The following ZNF207 variants were observed in gnomAD, a reference collection of about 807,000 sequenced individuals.
ZNF207 encodes the protein zinc finger protein 207.
A neutral mutation model predicts 60.2 loss-of-function variants in ZNF207; 24 were observed. The ratio of observed to expected loss-of-function variants is 0.40; its 90% CI spans 0.29 to 0.56. The LOEUF (loss-of-function observed/expected upper bound fraction) is 0.56, where lower values mean the gene tolerates loss of function less well. Ranked by LOEUF, ZNF207 falls within the 20% of genes least tolerant of loss-of-function variation. ZNF207 has a pLI of 0.49. For synonymous variants in ZNF207, 236 were observed against 194.7 expected (o/e 1.21, Z -1.77); for missense variants, 452 against 636.6 (o/e 0.71, Z 3.12).
chr17:32,355,671 T>C (rs556205041), intron 2 of ZNF207, among the ~76,000 whole-genome samples: 2 of 152,176 alleles, frequency 1.3e-5, no homozygotes, highest in African/African-American at 4.8e-5. Context: ...GGTTGGAAAT[T>C]AGGTGCTCTC....
chr17:32,366,219 T>TAAAAG (rs1905155386), intron 8 of ZNF207, among the ~76,000 whole-genome samples: 1 of 152,206 alleles, frequency 6.6e-6, no homozygotes, highest in East Asian at 1.9e-4. Context: ...GGGTGCTAAA[T>TAAAAG]TAAAAGCATT....
In ZNF207 at chr17:32,360,580, A is replaced by ATTT. The variant is rs371637866; in HGVS notation, c.308-8_308-6dup. The ATTT allele has an allele frequency of 1.1e-5, 13 of 1,172,190 alleles. No individual in the cohort carries two copies. The highest frequency in any genetic ancestry group is 9.3e-5 in the Admixed American group (4 of 42,918). The allele number at this position is 1,172,190 out of a possible 1,614,324, so 72.6% of individuals were successfully genotyped here. On this transcript the variant is annotated splice_polypyrimidine_tract_variant and intron_variant, in intron 3 of 11. Coordinates refer to ENST00000394670, the MANE Select transcript of ZNF207 (RefSeq NM_001098507.2). ...TCTTAGTTTTTACTCTATGGAAATA[A>ATTT]TTTTTTTTTTTTAACAGAAAGTCAA...
At chr17:32,363,339 T>C (rs1904991533) in intron 7 of ZNF207, among the ~76,000 whole-genome samples, 1 of 151,920 alleles carries the variant, frequency 6.6e-6, no homozygotes, top group African/African-American at 2.4e-5. Flanking sequence ...CCACCCACCT[T>C]GGCCTCCCAA....
rs777738732 is a variant in ZNF207 at position 32,351,773 on chromosome 17, C to G, written c.42-13C>G. On this transcript the variant is annotated splice_polypyrimidine_tract_variant and intron_variant, in intron 1 of 11. Coordinates refer to ENST00000394670, the MANE Select transcript of ZNF207 (RefSeq NM_001098507.2). ...TCATTAGGCTGTCTTTGTGCCTTAA[C>G]AGTATTGATCAGGTATTGTAATAGA... 6.2e-7 allele frequency: 1 copy of G among 1,607,848 alleles called. No individual in the cohort carries two copies. The highest frequency in any genetic ancestry group is 8.5e-7 in the Non-Finnish European group (1 of 1,176,492).
In ZNF207 at chr17:32,374,935, GAA is replaced by G. The variant is rs1184844472; in HGVS notation, c.*5179_*5180del. Reference sequence around the variant, plus strand: ...ACTAAAATTTGCTTTTATTTGGTGAGAAAAGTTGTGTGCGTGTGTTTGTTGTA... The same window carrying G: ...ACTAAAATTTGCTTTTATTTGGTGAGAAGTTGTGTGCGTGTGTTTGTTGTA... On this transcript the variant is annotated 3_prime_UTR_variant, in exon 12 of 12. Coordinates refer to ENST00000394670, the MANE Select transcript of ZNF207 (RefSeq NM_001098507.2). 3.3e-5 allele frequency: 5 copies of G among 152,208 alleles called. No individual in the cohort carries two copies. The highest frequency in any genetic ancestry group is 1.2e-4 in the African/African-American group (5 of 41,444). 9.4% of individuals were successfully genotyped at this position (152,208 alleles called of 1,614,324 possible).
intron 1 of ZNF207, chr17:32,351,173 A>C (rs1360161084): frequency 1.9e-5 from 3 of 160,420 alleles, no homozygotes; most frequent in Non-Finnish European, 4.1e-5. Context: ...GGAAAATCTG[A>C]GTAGTGAGGT....
In ZNF207 at chr17:32,370,010, G is replaced by A. The variant is rs1905393822; in HGVS notation, c.*251G>A. On this transcript the variant is annotated 3_prime_UTR_variant, in exon 12 of 12. Transcript: ENST00000394670. ...TCATGTTTCATCTAGGTTTTTAGAAGTGAAGTATAGTAAATTTGGTTCGTT... is the reference window on the plus strand; with the variant it reads ...TCATGTTTCATCTAGGTTTTTAGAAATGAAGTATAGTAAATTTGGTTCGTT... 1 of 336,720 alleles carries A rather than the reference G, an allele frequency of 3.0e-6. No homozygotes were observed. The highest frequency in any genetic ancestry group is 4.9e-5 in the Admixed American group (1 of 20,262). 20.9% of individuals were successfully genotyped at this position (336,720 alleles called of 1,614,324 possible). A position where few individuals can be genotyped will look rare whatever the true frequency, so the allele number is the denominator to read the frequency against.
chr17:32,365,530 A>ATAAAGTG, intron 8 of ZNF207, 43 bp downstream of exon 8: 1 of 1,598,432 alleles, frequency 6.3e-7, no homozygotes, highest in Middle Eastern at 1.7e-4. Context: ...ATATTTAAAG[A>ATAAAGTG]TAAAGTACAG....
At chr17:32,367,070 AAATTT>A (rs1450367541) in intron 9 of ZNF207, among the ~76,000 whole-genome samples, 1 of 151,558 alleles carries the variant, frequency 6.6e-6, no homozygotes, top group Non-Finnish European at 1.5e-5. Flanking sequence ...TAATGTAAGA[AAATTT>A]AATACTGCTT....
chr17:32,363,600 C>T lies in ZNF207; in HGVS notation c.670+616C>T, dbSNP rs556539853. 1.6e-3 allele frequency among the ~76,000 whole-genome samples: 204 copies of T among 127,992 alleles called. 1 individual carries two copies. The highest frequency in any genetic ancestry group is 1.8e-3 in the Non-Finnish European group (113 of 63,928). The allele number at this position is 127,992 out of a possible 152,430, so 84.0% of individuals were successfully genotyped here. A position where few individuals can be genotyped will look rare whatever the true frequency, so the allele number is the denominator to read the frequency against. ...TGTCACCCAGGCTGGAGCATGATCT[C>T]GGCTCACTGCAACCTCTGCTTCCGG... is the stretch of plus-strand genomic sequence containing the variant. On this transcript the variant is annotated intron_variant, in intron 7 of 11. Transcript: ENST00000394670.
intron 1 of ZNF207, 89 bp from the exon 2 acceptor site, chr17:32,351,697 C>T (rs765627282): frequency 5.0e-6 from 8 of 1,610,172 alleles, no homozygotes; most frequent in Non-Finnish European, 5.9e-6. Context: ...TTGGTTTTAG[C>T]TGTTCCCATA....
At chr17:32,357,422 C>T (rs1174267107) in intron 2 of ZNF207, among the ~76,000 whole-genome samples, 1 of 147,370 alleles carries the variant, frequency 6.8e-6, no homozygotes, top group Non-Finnish European at 1.5e-5. Flanking sequence ...GGTCTCGGCT[C>T]ACTGTAACCT....
At chr17:32,352,009 C>G (rs933396181) in intron 2 of ZNF207, 97 bp downstream of exon 2, 298 of 1,296,784 alleles carry the variant, frequency 2.3e-4, no homozygotes, top group Non-Finnish European at 2.8e-4. Context: ...GTCTTGTCGC[C>G]CAAGCTGGAG....
At chr17:32,367,275 ATAT>A (rs1905237830) in intron 9 of ZNF207, among the ~76,000 whole-genome samples, 5 of 119,748 alleles carry the variant, frequency 4.2e-5, no homozygotes, top group Admixed American at 1.8e-4. Flanking sequence ...ATATATATAT[ATAT>A]ATATATAAAG....
chr17:32,365,688 C>G (rs935255201), intron 8 of ZNF207: 2 of 305,384 alleles, frequency 6.5e-6, no homozygotes, highest in African/African-American at 4.4e-5. Context: ...TTGAACGGAG[C>G]CAAAGTTAGT....
chr17:32,354,386 C>G (rs1391705667), intron 2 of ZNF207, among the ~76,000 whole-genome samples: 1 of 152,162 alleles, frequency 6.6e-6, no homozygotes, highest in African/African-American at 2.4e-5. Context: ...CTTGTGCTCA[C>G]TGCAGCCTCC....
At chr17:32,351,329 C>G (rs1162321162) in intron 1 of ZNF207, 3 of 507,380 alleles carry the variant, frequency 5.9e-6, no homozygotes, top group Non-Finnish European at 8.2e-6. Flanking sequence ...GATTATTGTT[C>G]ACCATATAGT....
rs749189320 is a variant in ZNF207 at position 32,374,301 on chromosome 17, T to G, written c.*4542T>G. The G allele has an allele frequency of 1.6e-5, 2 of 126,452 alleles. No individual in the cohort carries two copies. The highest frequency in any genetic ancestry group is 3.2e-5 in the Non-Finnish European group (2 of 63,340). 7.8% of individuals were successfully genotyped at this position (126,452 alleles called of 1,614,324 possible). On this transcript the variant is annotated 3_prime_UTR_variant, in exon 12 of 12. Transcript: ENST00000394670. ...AGCACGATCTCAGCTCACTACAACCTCCACCTCCTGGATTCAAGCGATTCT... is the reference window on the plus strand; with the variant it reads ...AGCACGATCTCAGCTCACTACAACCGCCACCTCCTGGATTCAAGCGATTCT...
chr17:32,359,440 G>T (rs1022405202), intron 3 of ZNF207, among the ~76,000 whole-genome samples: 6 of 151,908 alleles, frequency 3.9e-5, no homozygotes, highest in Non-Finnish European at 8.8e-5. Context: ...TAGAAACGGG[G>T]TTTCACCATG....
Sources: gnomAD v4.1 joint callset for allele counts (sites outside exome capture counted in the v4.1 genomes callset) on GRCh38, gnomAD v4.1.1 for gene constraint, MANE v1.5 for transcripts, NCBI Gene and HGNC (gene_info 2026-07-23, HGNC 2026-07-21) for gene names.